The following TRIB1 variants were observed in gnomAD, a reference collection of about 807,000 sequenced individuals.
The protein encoded by TRIB1 is tribbles pseudokinase 1.
TRIB1 carries 12 observed loss-of-function variants against 27.8 expected under a neutral mutation model. The ratio of observed to expected loss-of-function variants is 0.43; its 90% CI spans 0.28 to 0.70. TRIB1 has a LOEUF of 0.70. Among genes scored for constraint, TRIB1 ranks in the 30% least tolerant of loss-of-function variants. TRIB1 has a pLI of 0.18. For synonymous variants in TRIB1, 230 were observed against 224.9 expected, an observed-to-expected ratio of 1.02 and a Z score of -0.20; for missense variants, 475 against 515.8, an observed-to-expected ratio of 0.92 and a Z score of 0.77.
At chr8:125,432,301 T>C in intron 1 of TRIB1, 5 of 969,862 alleles carry the variant, frequency 5.2e-6, no homozygotes, top group Non-Finnish European at 6.1e-6. Context: ...TGACTGGGGC[T>C]AAGAGCTGTT....
At chr8:125,435,056 C>T (rs763379561) in intron 2 of TRIB1, among the ~76,000 whole-genome samples, 14 of 152,108 alleles carry the variant, frequency 9.2e-5, no homozygotes, top group Non-Finnish European at 1.8e-4. Context: ...GACAGGGTGT[C>T]ACTGGATATC....
intron 2 of TRIB1, among the ~76,000 whole-genome samples, chr8:125,434,626 C>G (rs2129814513): frequency 6.6e-6 from 1 of 152,334 alleles, no homozygotes; most frequent in South Asian, 2.1e-4. Context: ...GATGCATTTT[C>G]TGAAACATGC....
Position 125,431,014 on chromosome 8 carries a change from G to C in TRIB1, c.112G>C (p.Asp38His), listed in dbSNP as rs1023068171. Reference sequence around the variant, plus strand: ...CCCGGCCAAACGCCTGCTGGACGCCGACGACGCGGCGGCTGTGGCGGCCAA... The same window carrying C: ...CCCGGCCAAACGCCTGCTGGACGCCCACGACGCGGCGGCTGTGGCGGCCAA... ...GVPAKRLLDA[D>H]DAAAVAAKCP... is the part of the protein sequence containing the mutation. The change falls in exon 1 of 3, where the codon GAC becomes CAC. Residue 38 changes from aspartate (D) to histidine (H), a missense_variant. Coordinates refer to ENST00000311922, the MANE Select transcript of TRIB1 (RefSeq NM_025195.4). 1 of 1,464,212 alleles carries C rather than the reference G, an allele frequency of 6.8e-7. No individual in the cohort carries two copies. The highest frequency in any genetic ancestry group is 1.5e-5 in the African/African-American group (1 of 67,736). 90.7% of individuals were successfully genotyped at this position (1,464,212 alleles called of 1,614,324 possible).
At chr8:125,435,890 G>A in intron 2 of TRIB1, 116 bp from the exon 3 acceptor site, 1 of 840,530 alleles carries the variant, frequency 1.2e-6, no homozygotes, top group Non-Finnish European at 1.8e-6. Flanking sequence ...GGACGAAGGG[G>A]TAAATAGCAT....
In TRIB1 at chr8:125,431,132, G is replaced by A. The variant is rs1268515750; in HGVS notation, c.230G>A (p.Gly77Glu). 2.3e-6 allele frequency: 3 copies of A among 1,318,048 alleles called. No individual in the cohort carries two copies. The highest frequency in any genetic ancestry group is 2.9e-6 in the Non-Finnish European group (3 of 1,041,714). The allele number at this position is 1,318,048 out of a possible 1,614,324, so 81.6% of individuals were successfully genotyped here. The change falls in exon 1 of 3, where the codon GGG becomes GAG. Residue 77 changes from glycine to glutamate, a missense_variant. Coordinates refer to ENST00000311922, the MANE Select transcript of TRIB1 (RefSeq NM_025195.4). ...CSPQPPPAAP[G>E]AGGGSGSAPG... ...CCGCAGCCCCCGCCTGCCGCTCCGG[G>A]GGCCGGCGGAGGCTCCGGGAGCGCG...
rs1297709886 is a variant in TRIB1, at chr8:125,431,171, G to A, written c.269G>A (p.Arg90His). The A allele has an allele frequency of 7.7e-7, 1 of 1,298,120 alleles. No individual in the cohort carries two copies. The highest frequency in any genetic ancestry group is 9.7e-7 in the Non-Finnish European group (1 of 1,028,086). The allele number at this position is 1,298,120 out of a possible 1,614,324, so 80.4% of individuals were successfully genotyped here. ...GGSGSAPGPS[R>H]IADYLLLPLA... is the part of the protein sequence containing the mutation. ...TCCGGGAGCGCGCCGGGGCCCAGCC[G>A]CATCGCCGACTACCTGCTGCTGCCC... Residue 90 changes from arginine (R) to histidine (H), a missense_variant, in exon 1 of 3, where the codon CGC (arginine) becomes CAC (histidine). Physicochemically the swap from Arg to His is conservative, Grantham distance 29. Coordinates refer to ENST00000311922, the MANE Select transcript of TRIB1 (RefSeq NM_025195.4).
chr8:125,436,055 G>C lies in TRIB1; in HGVS notation c.703G>C (p.Glu235Gln), dbSNP rs1563825149. 1 of 1,614,098 alleles carries C rather than the reference G, an allele frequency of 6.2e-7. No homozygotes were observed. The highest frequency in any genetic ancestry group is 2.2e-5 in the East Asian group (1 of 44,878). ...SLEDTHIMKG[E>Q]DDALSDKHGC... ...AGAAGACACACACATAATGAAGGGG[G>C]AAGATGATGCTTTGTCAGACAAACA... The change falls in exon 3 of 3, where the codon GAA (glutamate) becomes CAA (glutamine). Residue 235 changes from glutamate to glutamine, a missense_variant. Transcript: ENST00000311922.
chr8:125,433,770 T>C lies in TRIB1; in HGVS notation c.653+161T>C, dbSNP rs1814703811. 4.2e-6 allele frequency: 4 copies of C among 945,740 alleles called. No individual in the cohort carries two copies. The highest frequency in any genetic ancestry group is 6.1e-6 in the Non-Finnish European group (4 of 653,198). The allele number at this position is 945,740 out of a possible 1,614,324, so 58.6% of individuals were successfully genotyped here. On this transcript the variant is annotated intron_variant, in intron 2 of 2. Coordinates refer to ENST00000311922, the MANE Select transcript of TRIB1 (RefSeq NM_025195.4). The surrounding 1 kb of genome is among the most constrained non-coding windows in gnomAD (Gnocchi z 4.4). The stretch of plus-strand genomic sequence containing the variant: ...TGTTCCTGAGGAGTCACAGCCAAGG[T>C]TGGTTTATTCTGCATTCTCTTGGAC...
rs1814689104 is a variant in TRIB1, at chr8:125,433,183, G to A, written c.361-134G>A. On this transcript the variant is annotated intron_variant, in intron 1 of 2. Transcript: ENST00000311922. The surrounding 1 kb of genome is among the most constrained non-coding windows in gnomAD (Gnocchi z 4.4). ...GGCTGCGTAAGGTAAGGTGGCAGAG[G>A]AAAGGAGTAGGTGAATGGAACTTAC... The A allele has an allele frequency of 1.1e-6, 1 of 946,834 alleles. No individual in the cohort carries two copies. The highest frequency in any genetic ancestry group is 1.6e-6 in the Non-Finnish European group (1 of 629,892). The allele number at this position is 946,834 out of a possible 1,614,324, so 58.7% of individuals were successfully genotyped here. A position where few individuals can be genotyped will look rare whatever the true frequency, so the allele number is the denominator to read the frequency against.
intron 1 of TRIB1, chr8:125,432,076 C>T: frequency 5.3e-6 from 1 of 187,460 alleles, no homozygotes; most frequent in Non-Finnish European, 1.0e-5. Context: ...TTGAGGCACC[C>T]CAGAGCACCC....
rs371719876 is a variant in TRIB1, at chr8:125,436,340, C to G, written c.988C>G (p.Pro330Ala). Residue 330 changes from proline (P) to alanine (A), a missense_variant, in exon 3 of 3, where the codon CCC becomes GCC. Transcript: ENST00000311922. ...RREPSERLTAPEILLHPWFES... is the reference protein window; with the variant it reads ...RREPSERLTAAEILLHPWFES... ...GGAGCCCTCCGAGAGACTCACTGCC[C>G]CCGAGATCCTACTGCACCCCTGGTT... 6.2e-7 allele frequency: 1 copy of G among 1,613,904 alleles called. No individual in the cohort carries two copies. The highest frequency in any genetic ancestry group is 8.5e-7 in the Non-Finnish European group (1 of 1,180,010).
Position 125,438,347 on chromosome 8 carries a change from C to T in TRIB1, c.*1876C>T, listed in dbSNP as rs1814790246. ...CTGTACATACGTGTATATATGTGAA[C>T]AGTGAGATGGCCGTTTCTGACTTGT... On this transcript the variant is annotated 3_prime_UTR_variant, in exon 3 of 3. Transcript: ENST00000311922. 6.6e-6 allele frequency: 1 copy of T among 152,444 alleles called. No individual in the cohort carries two copies. Among genetic ancestry groups the T allele is most frequent in the South Asian group, 2.1e-4 (1 of 4,828 alleles). 9.4% of individuals were successfully genotyped at this position (152,444 alleles called of 1,614,324 possible). A position where few individuals can be genotyped will look rare whatever the true frequency, so the allele number is the denominator to read the frequency against.
rs1814770989 is a variant in TRIB1, at chr8:125,437,209, C to G, written c.*738C>G. 1 of 152,378 alleles carries G rather than the reference C, an allele frequency of 6.6e-6. No individual in the cohort carries two copies. The highest frequency in any genetic ancestry group is 2.4e-5 in the African/African-American group (1 of 41,456). The allele number at this position is 152,378 out of a possible 1,614,324, so 9.4% of individuals were successfully genotyped here. A position where few individuals can be genotyped will look rare whatever the true frequency, so the allele number is the denominator to read the frequency against. ...AAAAGATTCCATCTCCCAACGATTT[C>G]AGAACTCTGAGCTCAGAGAGACTCC... On this transcript the variant is annotated 3_prime_UTR_variant, in exon 3 of 3. Transcript: ENST00000311922.
intron 2 of TRIB1, among the ~76,000 whole-genome samples, chr8:125,435,214 C>G (rs944334163): frequency 3.3e-5 from 5 of 152,096 alleles, no homozygotes; most frequent in African/African-American, 9.6e-5. Flanking sequence ...CAGAGACCCC[C>G]CCTGTAGAAT....
rs865924491 is a variant in TRIB1 at position 125,433,052 on chromosome 8, G to A, written c.361-265G>A. 2 of 458,680 alleles carry A rather than the reference G, an allele frequency of 4.4e-6. No homozygotes were observed. Among genetic ancestry groups the A allele is most frequent in the Non-Finnish European group, 7.9e-6 (2 of 252,992 alleles). The allele number at this position is 458,680 out of a possible 1,614,324, so 28.4% of individuals were successfully genotyped here. A position where few individuals can be genotyped will look rare whatever the true frequency, so the allele number is the denominator to read the frequency against. Reference sequence around the variant, plus strand: ...TGACAGAAGATGGGAACATGTACAGGAGACAGTTCTTTCAAATCATCTGTG... The same window carrying A: ...TGACAGAAGATGGGAACATGTACAGAAGACAGTTCTTTCAAATCATCTGTG... On this transcript the variant is annotated intron_variant, in intron 1 of 2. Coordinates refer to ENST00000311922, the MANE Select transcript of TRIB1 (RefSeq NM_025195.4). This position sits in a 1 kb window ranked among gnomAD's most constrained non-coding sequence, Gnocchi z 4.4.
chr8:125,433,343 C>A lies in TRIB1; in HGVS notation c.387C>A (p.Asp129Glu). The A allele has an allele frequency of 6.2e-7, 1 of 1,614,062 alleles. No individual in the cohort carries two copies. The highest frequency in any genetic ancestry group is 8.5e-7 in the Non-Finnish European group (1 of 1,179,932). Residue 129 changes from aspartate to glutamate, a missense_variant, in exon 2 of 3, where the codon GAC (aspartate) becomes GAA (glutamate). Asp to Glu is a conservative substitution (Grantham distance 45). Coordinates refer to ENST00000311922, the MANE Select transcript of TRIB1 (RefSeq NM_025195.4). The surrounding 1 kb of genome is among the most constrained non-coding windows in gnomAD (Gnocchi z 4.4). ...CKVFPIKHYQDKIRPYIQLPS... is the reference protein window; with the variant it reads ...CKVFPIKHYQEKIRPYIQLPS... ...TGTTTCCCATTAAACACTACCAGGA[C>A]AAAATCAGGCCTTACATCCAGCTGC...
Position 125,437,831 on chromosome 8 carries a change from A to ATG in TRIB1, c.*1361_*1362dup, listed in dbSNP as rs1380159433. On this transcript the variant is annotated 3_prime_UTR_variant, in exon 3 of 3. Coordinates refer to ENST00000311922, the MANE Select transcript of TRIB1 (RefSeq NM_025195.4). ...AACTTTCATTAAAAAACAAATTCAG[A>ATG]TGAAATATCAGTAACTGTCTTGGAC... 6.5e-6 allele frequency: 1 copy of ATG among 152,780 alleles called. No homozygotes were observed. The highest frequency in any genetic ancestry group is 1.9e-4 in the East Asian group (1 of 5,328). The allele number at this position is 152,780 out of a possible 1,614,324, so 9.5% of individuals were successfully genotyped here. A position where few individuals can be genotyped will look rare whatever the true frequency, so the allele number is the denominator to read the frequency against.
In TRIB1 at chr8:125,431,088, C is replaced by T. The variant is rs1410575478; in HGVS notation, c.186C>T (p.Pro62=). 4 of 1,383,196 alleles carry T rather than the reference C, an allele frequency of 2.9e-6. No individual in the cohort carries two copies. Among genetic ancestry groups the T allele is most frequent in the Non-Finnish European group, 3.7e-6 (4 of 1,074,652 alleles). 85.7% of individuals were successfully genotyped at this position (1,383,196 alleles called of 1,614,324 possible). A position where few individuals can be genotyped will look rare whatever the true frequency, so the allele number is the denominator to read the frequency against. Residue 62 remains proline, a synonymous_variant, in exon 1 of 3, where the codon CCC becomes CCT. Transcript: ENST00000311922. ...ECSSPPDYLS[P]PGSPCSPQPP... ...CCAGCCCCCCGGACTACCTCAGCCC[C>T]CCCGGCTCGCCCTGCAGCCCGCAGC...
Position 125,431,007 on chromosome 8 carries a change from G to A in TRIB1, c.105G>A (p.Leu35=), listed in dbSNP as rs1323576005. 2.7e-6 allele frequency: 4 copies of A among 1,464,088 alleles called. No individual in the cohort carries two copies. The Admixed American group carries it at 1.0e-4, about 38-fold the overall frequency. The allele number at this position is 1,464,088 out of a possible 1,614,324, so 90.7% of individuals were successfully genotyped here. The change falls in exon 1 of 3, where the codon CTG becomes CTA. Residue 35 remains leucine (L), a synonymous_variant. Transcript: ENST00000311922. ...GAGGCGTCCCGGCCAAACGCCTGCT[G>A]GACGCCGACGACGCGGCGGCTGTGG... is the stretch of plus-strand genomic sequence containing the variant. The part of the protein sequence containing the change: ...ATRGVPAKRL[L]DADDAAAVAA...
Sources: gnomAD v4.1 joint callset for allele counts (sites outside exome capture counted in the v4.1 genomes callset) on GRCh38, gnomAD v4.1.1 for gene constraint, Gnocchi (gnomAD v3.1) non-coding constraint, MANE v1.5 for transcripts, NCBI Gene and HGNC (gene_info 2026-07-23, HGNC 2026-07-21) for gene names.